Variants in DYNC2H1 observed in about 807,000 individuals in gnomAD.
DYNC2H1 encodes cytoplasmic dynein 2 heavy chain 1.
DYNC2H1 carries 410 observed loss-of-function variants against 570.0 expected under a neutral mutation model. That is an observed-to-expected ratio of 0.72 (90% CI 0.66 to 0.78). The LOEUF is 0.78. Ranked by LOEUF, DYNC2H1 falls within the 30% of genes least tolerant of loss-of-function variation. DYNC2H1 has a pLI of 0.00. For missense variants in DYNC2H1, 4,865 were observed against 5,046.4 expected (o/e 0.96, Z 1.09); for synonymous variants, 1,688 against 1,677.6 (o/e 1.01, Z -0.15).
chr11:103,371,284 A>C (rs58885872), intron 83 of DYNC2H1, among the ~76,000 whole-genome samples: 28,864 of 152,010 alleles, frequency 0.19, 2,983 homozygotes, highest in Admixed American at 0.27. Context: ...AGAATTAAAA[A>C]CAAGCACACC....
chr11:103,147,933 G>A (rs1223484236), intron 19 of DYNC2H1, 46 bp downstream of exon 19: 1 of 1,293,524 alleles, frequency 7.7e-7, no homozygotes, highest in Non-Finnish European at 1.1e-6. Flanking sequence ...TTGATATGTA[G>A]AAGCATGTAC....
intron 78 of DYNC2H1, 110 bp from the exon 79 acceptor site, chr11:103,311,768 C>T (rs942304382): frequency 3.8e-5 from 40 of 1,052,360 alleles, no homozygotes; most frequent in Non-Finnish European, 4.7e-5. Flanking sequence ...AACTCAAACC[C>T]GGTAAGCAGT....
intron 82 of DYNC2H1, among the ~76,000 whole-genome samples, chr11:103,348,389 G>A (rs2435912): frequency 0.33 from 49,590 of 151,878 alleles, 9,554 homozygotes; most frequent in Non-Finnish European, 0.43. Context: ...TGAGGCTATC[G>A]CCACAACAAG....
chr11:103,290,002 T>G (rs4754900), intron 75 of DYNC2H1, among the ~76,000 whole-genome samples: 26,136 of 151,710 alleles, frequency 0.17, 2,435 homozygotes, highest in Admixed American at 0.26. Context: ...AGATTTTTAG[T>G]CAACCACGAG....
chr11:103,191,607 G>C lies in DYNC2H1; in HGVS notation c.7528G>C (p.Asp2510His), dbSNP rs1361174539. Residue 2510 changes from aspartate to histidine, a missense_variant, in exon 46 of 89, where the codon GAT becomes CAT. By Grantham distance (81) the Asp-to-His change is moderately conservative (BLOSUM62 -1). Around this residue, in one of 5 missense-constraint regions of DYNC2H1, gnomAD observed 2,401 missense variants for 2,454.6 expected, o/e 0.98. Coordinates refer to ENST00000375735, the MANE Select transcript of DYNC2H1 (RefSeq NM_001377.3). ...TQWVLGLFRY[D>H]LEGGSSNHPL... is the part of the protein sequence containing the mutation. The stretch of plus-strand genomic sequence containing the variant: ...ATGGGTTCTTGGCTTATTTAGATAT[G>C]ATTTAGAAGGAGGTGAGTTTTGCTA... 1 of 1,604,786 alleles carries C rather than the reference G, an allele frequency of 6.2e-7. No homozygotes were observed. The highest frequency in any genetic ancestry group is 8.5e-7 in the Non-Finnish European group (1 of 1,174,996).
At chr11:103,454,681 T>C (rs1443137580) in intron 85 of DYNC2H1, among the ~76,000 whole-genome samples, 1 of 152,206 alleles carries the variant, frequency 6.6e-6, no homozygotes, top group Non-Finnish European at 1.5e-5. Flanking sequence ...TTTATATTGA[T>C]ATGTATTTCT....
intron 88 of DYNC2H1, chr11:103,474,095 T>C: frequency 4.1e-6 from 1 of 242,484 alleles, no homozygotes; most frequent in South Asian, 3.8e-5. Context: ...TTCAAGGACT[T>C]ATTATGAAAG....
chr11:103,262,894 C>T (rs1197950499), intron 70 of DYNC2H1, among the ~76,000 whole-genome samples: 2 of 151,964 alleles, frequency 1.3e-5, no homozygotes, highest in East Asian at 3.9e-4. Context: ...TTAAAAGACA[C>T]AGACTGGCAA....
intron 3 of DYNC2H1, 87 bp from the exon 4 acceptor site, chr11:103,115,090 T>G (rs1858310462): frequency 1.1e-6 from 1 of 890,368 alleles, no homozygotes; most frequent in Non-Finnish European, 1.8e-6. Flanking sequence ...GTTAGATGAC[T>G]CAAATATTTT....
rs1012231958 is a variant in DYNC2H1, at chr11:103,170,022, T to G, written c.4969-86T>G. On this transcript the variant is annotated intron_variant, in intron 32 of 88. Transcript: ENST00000375735. The surrounding 1 kb of genome is among the most constrained non-coding windows in gnomAD (Gnocchi z 4.8). ...TTAACCTGTTTGTTGCATTTTTATC[T>G]TTTTAACTACAATCTCATGCTGTAA... 7.1e-6 allele frequency: 9 copies of G among 1,273,638 alleles called. No individual in the cohort carries two copies. The highest frequency in any genetic ancestry group is 2.0e-4 in the Middle Eastern group (1 of 5,128). The allele number at this position is 1,273,638 out of a possible 1,614,324, so 78.9% of individuals were successfully genotyped here.
At chr11:103,142,355 T>C (rs931324117) in intron 17 of DYNC2H1, among the ~76,000 whole-genome samples, 3 of 152,076 alleles carry the variant, frequency 2.0e-5, no homozygotes, top group Non-Finnish European at 4.4e-5. Context: ...ATCTTCGCTT[T>C]TTATTTTTTA....
chr11:103,220,803 A>T lies in DYNC2H1; in HGVS notation c.9107+20A>T. On this transcript the variant is annotated intron_variant, in intron 57 of 88. Transcript: ENST00000375735. Reference sequence around the variant, plus strand: ...GAAAAGGTACATTTTTCAATTTGTGAAAAATATTATTTCGGCAATGAATGA... The same window carrying T: ...GAAAAGGTACATTTTTCAATTTGTGTAAAATATTATTTCGGCAATGAATGA... 2 of 1,590,844 alleles carry T rather than the reference A, an allele frequency of 1.3e-6. No individual in the cohort carries two copies. The highest frequency in any genetic ancestry group is 1.7e-6 in the Non-Finnish European group (2 of 1,168,966).
Position 103,157,868 on chromosome 11 carries a change from T to C in DYNC2H1, c.4128-809T>C, listed in dbSNP as rs1461591366. Among the ~76,000 whole-genome samples, 1 of 152,200 alleles carries C rather than the reference T, an allele frequency of 6.6e-6. No homozygotes were observed. The highest frequency in any genetic ancestry group is 1.9e-4 in the East Asian group (1 of 5,178). On this transcript the variant is annotated intron_variant, in intron 26 of 88. Transcript: ENST00000375735. This position sits in a 1 kb window ranked among gnomAD's most constrained non-coding sequence, Gnocchi z 4.2. ...TCTTGTGCTGCTCTCCATTTTGCTTTAGTGACTCTAGCTTTTAGTTTCTCG... is the reference window on the plus strand; with the variant it reads ...TCTTGTGCTGCTCTCCATTTTGCTTCAGTGACTCTAGCTTTTAGTTTCTCG...
chr11:103,204,989 T>A lies in DYNC2H1; in HGVS notation c.8454+25T>A. 1 of 1,535,874 alleles carries A rather than the reference T, an allele frequency of 6.5e-7. No individual in the cohort carries two copies. The highest frequency in any genetic ancestry group is 2.1e-5 in the Admixed American group (1 of 47,988). On this transcript the variant is annotated intron_variant, in intron 52 of 88. Transcript: ENST00000375735. The surrounding 1 kb of genome is among the most constrained non-coding windows in gnomAD (Gnocchi z 4.1). ...AGTAAGTTTAACAAATATTAAAAAA[T>A]TTAAAAGCACATTTTATTTTTGAAG...
intron 55 of DYNC2H1, 75 bp from the exon 56 acceptor site, chr11:103,219,840 G>C: frequency 1.2e-6 from 1 of 866,100 alleles, no homozygotes; most frequent in Non-Finnish European, 1.8e-6. Flanking sequence ...ATTTTGAAAT[G>C]TTATATTTTG....
intron 85 of DYNC2H1, among the ~76,000 whole-genome samples, chr11:103,452,100 A>G (rs1944628382): frequency 6.6e-6 from 1 of 152,096 alleles, no homozygotes; most frequent in Non-Finnish European, 1.5e-5. Context: ...GTTTTAGGTT[A>G]GAATGTGAAC....
chr11:103,220,517 A>C, intron 56 of DYNC2H1, 106 bp from the exon 57 acceptor site: 1 of 1,095,204 alleles, frequency 9.1e-7, no homozygotes. Context: ...GAACATTAGT[A>C]ACTATAGTCA....
chr11:103,445,213 A>G (rs1209444770), intron 85 of DYNC2H1, among the ~76,000 whole-genome samples: 2 of 152,218 alleles, frequency 1.3e-5, no homozygotes, highest in Admixed American at 1.3e-4. Context: ...ATTATCTTCA[A>G]GATTATGGAT....
chr11:103,320,573 A>G (rs1211990623), intron 80 of DYNC2H1, among the ~76,000 whole-genome samples: 1 of 152,184 alleles, frequency 6.6e-6, no homozygotes, highest in Non-Finnish European at 1.5e-5. Flanking sequence ...TATTTTATAA[A>G]CTGACAGTTT....
Sources: gnomAD v4.1 joint callset for allele counts (sites outside exome capture counted in the v4.1 genomes callset) on GRCh38, gnomAD v4.1.1 for gene constraint, gnomAD v4.1.1 regional missense constraint, Gnocchi (gnomAD v3.1) non-coding constraint, MANE v1.5 for transcripts, NCBI Gene and HGNC (gene_info 2026-07-23, HGNC 2026-07-21) for gene names.